The following USP34 variants were observed in gnomAD, a reference collection of about 807,000 sequenced individuals.
USP34 encodes the protein ubiquitin specific peptidase 34.
Under a neutral mutation model 460.3 loss-of-function variants are expected in USP34, and 70 were observed. The ratio of observed to expected loss-of-function variants is 0.15; its 90% confidence interval spans 0.13 to 0.19. The LOEUF (loss-of-function observed/expected upper bound fraction) is 0.19, where lower values mean the gene tolerates loss of function less well. USP34 is among the 10% of genes least tolerant of loss of function. USP34 has a pLI of 1.00. For missense variants in USP34, 3,985 were observed against 4,236.2 expected (o/e 0.94, Z 1.65); for synonymous variants, 1,647 against 1,405.3 (o/e 1.17, Z -3.85).
chr2:61,207,575 TG>T (rs1429822629), intron 70 of USP34: 1 of 152,210 alleles, frequency 6.6e-6, no homozygotes, highest in East Asian at 1.9e-4. Flanking sequence ...TTGTAAGCTG[TG>T]GGGACAGAAA....
Position 61,348,220 on chromosome 2 carries a change from T to C in USP34, c.1935A>G (p.Arg645=), listed in dbSNP as rs768696334. ...AAATGCCTGCTTGACTCTCTAACTT[T>C]CTATTCCGAAGATCTGTACCACAAC... is the stretch of plus-strand genomic sequence containing the variant. ...KSSCGTDLRN[R]KLESQAGICL... is the part of the protein sequence containing the mutation. Residue 645 remains arginine, a synonymous_variant, in exon 15 of 80, where the codon AGA becomes AGG. Transcript: ENST00000398571. 2 of 1,614,198 alleles carry C rather than the reference T, an allele frequency of 1.2e-6. No homozygotes were observed. The highest frequency in any genetic ancestry group is 1.7e-6 in the Non-Finnish European group (2 of 1,180,036).
intron 6 of USP34, among the ~76,000 whole-genome samples, chr2:61,381,486 A>G (rs944351877): frequency 1.3e-5 from 2 of 152,032 alleles, no homozygotes; most frequent in Non-Finnish European, 2.9e-5. Flanking sequence ...CTATAGAAGC[A>G]TGCCACCACG....
intron 1 of USP34, among the ~76,000 whole-genome samples, chr2:61,430,244 A>G (rs1215455952): frequency 6.6e-6 from 1 of 151,770 alleles, no homozygotes; most frequent in Non-Finnish European, 1.5e-5. Flanking sequence ...AAGAAAAAAA[A>G]AATACAAAAA....
intron 58 of USP34, among the ~76,000 whole-genome samples, chr2:61,230,964 A>G (rs1687878424): frequency 6.6e-6 from 1 of 152,222 alleles, no homozygotes; most frequent in South Asian, 2.1e-4. Flanking sequence ...TAACAGCATT[A>G]CTAAAAACAG....
intron 67 of USP34, among the ~76,000 whole-genome samples, chr2:61,216,909 C>A (rs1233608474): frequency 1.3e-5 from 2 of 149,926 alleles, no homozygotes; most frequent in Non-Finnish European, 3.0e-5. Flanking sequence ...TGGGGCAAGA[C>A]TCCATCTCAA....
At chr2:61,265,878 A>G in intron 42 of USP34, 106 bp downstream of exon 42, 1 of 1,047,120 alleles carries the variant, frequency 9.5e-7, no homozygotes, top group Non-Finnish European at 1.3e-6. Flanking sequence ...AATCATTTAT[A>G]ATGTTAAAGT....
chr2:61,240,506 C>T (rs1010741426), intron 53 of USP34, among the ~76,000 whole-genome samples: 8 of 151,972 alleles, frequency 5.3e-5, no homozygotes, highest in Non-Finnish European at 7.4e-5. Context: ...TCTCAATCTC[C>T]GGACCTCGTG....
At chr2:61,372,081 A>C (rs1692645173) in intron 8 of USP34, among the ~76,000 whole-genome samples, 3 of 152,184 alleles carry the variant, frequency 2.0e-5, no homozygotes, top group Admixed American at 2.0e-4. Context: ...AAGTTTCAAA[A>C]TAAATTGTAT....
intron 1 of USP34, among the ~76,000 whole-genome samples, chr2:61,444,425 G>A (rs1346780841): frequency 6.6e-6 from 1 of 151,938 alleles, no homozygotes; most frequent in Non-Finnish European, 1.5e-5. Context: ...AAGCCAAAAG[G>A]ATAAAAATAT....
rs534339568 is a variant in USP34 at position 61,396,338 on chromosome 2, C to T, written c.553-1105G>A. ...CCTTCAATATTTAAAATACACATTG[C>T]CTTTGACCCAGCAATTCTAGCTTTT... On this transcript the variant is annotated intron_variant, in intron 3 of 79. Transcript: ENST00000398571. Among the ~76,000 whole-genome samples the T allele has an allele frequency of 6.6e-5, 10 of 152,166 alleles. No individual in the cohort carries two copies. The South Asian group carries it at 2.1e-3, about 32-fold the overall frequency.
chr2:61,438,578 C>T (rs1403372253), intron 1 of USP34, among the ~76,000 whole-genome samples: 2 of 151,268 alleles, frequency 1.3e-5, no homozygotes, highest in South Asian at 2.1e-4. Context: ...CCAGCCTGGG[C>T]GACAAGAGTG....
chr2:61,241,869 A>C, intron 51 of USP34, 50 bp from the exon 52 acceptor site: 1 of 935,328 alleles, frequency 1.1e-6, no homozygotes, highest in Non-Finnish European at 1.6e-6. Context: ...GGGTATACTC[A>C]GCTATATTTA....
chr2:61,238,218 A>G (rs1688128836), intron 53 of USP34, among the ~76,000 whole-genome samples: 2 of 152,014 alleles, frequency 1.3e-5, no homozygotes, highest in East Asian at 3.8e-4. Context: ...TTTTCTACCT[A>G]ACTGTCCATC....
chr2:61,396,115 G>C (rs954425967), intron 3 of USP34, among the ~76,000 whole-genome samples: 1 of 151,692 alleles, frequency 6.6e-6, no homozygotes, highest in Non-Finnish European at 1.5e-5. Flanking sequence ...ATACATGATA[G>C]TTAAGTGGTT....
chr2:61,444,986 G>A (rs1008184040), intron 1 of USP34, among the ~76,000 whole-genome samples: 8 of 150,440 alleles, frequency 5.3e-5, no homozygotes, highest in African/African-American at 1.7e-4. Flanking sequence ...CAGTAAAACC[G>A]ATAGGTGATT....
intron 10 of USP34, among the ~76,000 whole-genome samples, chr2:61,369,587 A>C (rs1692546760): frequency 6.7e-6 from 1 of 148,796 alleles, no homozygotes; most frequent in Admixed American, 6.8e-5. Flanking sequence ...AGGTTGCAGT[A>C]AGCCAAGACT....
chr2:61,386,668 C>T (rs1365135852), intron 5 of USP34, among the ~76,000 whole-genome samples: 1 of 151,966 alleles, frequency 6.6e-6, no homozygotes, highest in Non-Finnish European at 1.5e-5. Flanking sequence ...CAAGTGCCTG[C>T]AGTCTCGGCT....
At chr2:61,369,259 A>C (rs1260799141) in intron 10 of USP34, among the ~76,000 whole-genome samples, 1 of 152,238 alleles carries the variant, frequency 6.6e-6, no homozygotes, top group African/African-American at 2.4e-5. Context: ...TTCTACTTGT[A>C]AGTAAGAATT....
At chr2:61,385,138 T>G (rs1192765311) in intron 5 of USP34, among the ~76,000 whole-genome samples, 1 of 152,064 alleles carries the variant, frequency 6.6e-6, no homozygotes, top group Non-Finnish European at 1.5e-5. Flanking sequence ...ACGATTCCCT[T>G]AAGAACAGTA....
Sources: allele counts gnomAD v4.1 joint callset (sites outside exome capture counted in the v4.1 genomes callset), GRCh38; gene constraint gnomAD v4.1.1; transcripts MANE v1.5; gene names NCBI Gene and HGNC (gene_info 2026-07-23, HGNC 2026-07-21).